SLFN14: variants seen among roughly 807,000 people sequenced by gnomAD.
SLFN14 encodes schlafen family member 14.
In SLFN14, 47 loss-of-function variants were observed where a neutral mutation model predicts 58.6. The ratio of observed to expected loss-of-function variants is 0.80; its 90% CI spans 0.64 to 1.02. The LOEUF is 1.02. SLFN14 is among the 50% of genes least tolerant of loss of function. SLFN14 has a pLI of 0.00. For missense variants in SLFN14, 967 were observed against 1,078.4 expected (o/e 0.90, Z 1.45); for synonymous variants, 390 against 387.3 (o/e 1.01, Z -0.08).
chr17:35,555,155 G>A (rs2072639124), intron 3 of SLFN14, among the ~76,000 whole-genome samples: 1 of 151,962 alleles, frequency 6.6e-6, no homozygotes, highest in Non-Finnish European at 1.5e-5. Flanking sequence ...GGCGGATCAC[G>A]AGGTCAGGAG....
At chr17:35,552,604 A>G (rs2072601709) in intron 5 of SLFN14, 126 bp downstream of exon 5, 1 of 330,276 alleles carries the variant, frequency 3.0e-6, no homozygotes, top group Non-Finnish European at 4.8e-6. Context: ...AAAAGAATAT[A>G]TATATATGTG....
Position 35,557,224 on chromosome 17 carries a change from G to A in SLFN14, c.839C>T (p.Thr280Ile), listed in dbSNP as rs548910949. ...TGGCTTCTCACAGCAGAAGTGGAAT[G>A]TAGGCAATTTTTCTATGCAGTTTTC... ...EIENCIEKLP[T>I]FHFCCEKPKV... Residue 280 changes from threonine (T) to isoleucine (I), a missense_variant, in exon 3 of 6, where the codon ACA becomes ATA. Coordinates refer to ENST00000674182, the MANE Select transcript of SLFN14 (RefSeq NM_001129820.2). 2.1e-5 allele frequency: 32 copies of A among 1,551,608 alleles called. No homozygotes were observed. The highest frequency in any genetic ancestry group is 2.6e-5 in the Non-Finnish European group (30 of 1,147,004).
chr17:35,556,902 A>C, intron 3 of SLFN14, 101 bp downstream of exon 3: 1 of 1,120,614 alleles, frequency 8.9e-7, no homozygotes, highest in East Asian at 2.6e-5. Context: ...AAGAAAAATA[A>C]ATTTCTATTT....
chr17:35,556,868 A>G, intron 3 of SLFN14, 135 bp downstream of exon 3: 1 of 816,792 alleles, frequency 1.2e-6, no homozygotes, highest in Non-Finnish European at 1.8e-6. Context: ...TAGATAAGGA[A>G]CACTGTAATG....
Position 35,548,455 on chromosome 17 carries a change from G to A in SLFN14, c.2523C>T (p.Thr841=), listed in dbSNP as rs1329323547. Residue 841 remains threonine (T), a synonymous_variant, in exon 6 of 6, where the codon ACC becomes ACT. Transcript: ENST00000674182. ...ALLKAMELIE[T]HRPSEVVFSP... Reference sequence around the variant, plus strand: ...TAAACACAACCTCTGATGGTCTGTGGGTCTCAATTAATTCCATTGCTTTGA... The same window carrying A: ...TAAACACAACCTCTGATGGTCTGTGAGTCTCAATTAATTCCATTGCTTTGA... 2.6e-6 allele frequency: 4 copies of A among 1,551,648 alleles called. No homozygotes were observed. The South Asian group carries it at 4.8e-5, about 18-fold the overall frequency.
chr17:35,557,155 T>C lies in SLFN14; in HGVS notation c.908A>G (p.Asp303Gly). The C allele has an allele frequency of 1.9e-6, 3 of 1,551,712 alleles. No homozygotes were observed. The highest frequency in any genetic ancestry group is 2.6e-6 in the Non-Finnish European group (3 of 1,146,994). ...TTKILNVYQKDVLDGYVCVIQ... is the reference protein window; with the variant it reads ...TTKILNVYQKGVLDGYVCVIQ... ...CACACAGACATAACCATCCAGGACATCTTTTTGGTACACATTCAGGATTTT... is the reference window on the plus strand; with the variant it reads ...CACACAGACATAACCATCCAGGACACCTTTTTGGTACACATTCAGGATTTT... The change falls in exon 3 of 6, where the codon GAT becomes GGT. Residue 303 changes from aspartate to glycine, a missense_variant. Transcript: ENST00000674182.
rs996095711 is a variant in SLFN14, at chr17:35,558,018, T to G, written c.45A>C (p.Val15=). The change falls in exon 3 of 6, where the codon GTA becomes GTC. Residue 15 remains valine (V), a synonymous_variant. Coordinates refer to ENST00000674182, the MANE Select transcript of SLFN14 (RefSeq NM_001129820.2). ...AAATCACTCTGCCCACATCTACTATTACCTCAGGATACGGCATTTCAGTAT... is the reference window on the plus strand; with the variant it reads ...AAATCACTCTGCCCACATCTACTATGACCTCAGGATACGGCATTTCAGTAT... ...KTDTEMPYPE[V]IVDVGRVIFG... 1.6e-5 allele frequency: 25 copies of G among 1,551,452 alleles called. No individual in the cohort carries two copies. The highest frequency in any genetic ancestry group is 1.9e-5 in the Non-Finnish European group (22 of 1,146,998).
At chr17:35,551,412 AT>A (rs1272569864) in intron 5 of SLFN14, among the ~76,000 whole-genome samples, 2 of 152,030 alleles carry the variant, frequency 1.3e-5, no homozygotes, top group Admixed American at 1.3e-4. Context: ...CAGAATCTAT[AT>A]GCTTCCTCTC....
rs1234971895 is a variant in SLFN14 at position 35,557,913 on chromosome 17, A to G, written c.150T>C (p.Cys50=). The change falls in exon 3 of 6, where the codon TGT becomes TGC. Residue 50 remains cysteine (C), a synonymous_variant. Coordinates refer to ENST00000674182, the MANE Select transcript of SLFN14 (RefSeq NM_001129820.2). ...SENSRIIRAI[C]ALLNSGGGVI... ...CACCACCTCCAGAATTTAACAGTGC[A>G]CATATAGCCCGGATAATTCTAGAAT... The G allele has an allele frequency of 1.3e-6, 2 of 1,551,722 alleles. No individual in the cohort carries two copies. The highest frequency in any genetic ancestry group is 2.0e-5 in the Admixed American group (1 of 51,002).
At position 35,545,278 on chromosome 17, in the gene SLFN14, A is replaced by G. The variant is rs1028257262; in HGVS notation, c.*2961T>C. Among the ~76,000 whole-genome samples, 1 of 152,228 alleles carries G rather than the reference A, an allele frequency of 6.6e-6. No individual in the cohort carries two copies. The highest frequency in any genetic ancestry group is 2.4e-5 in the African/African-American group (1 of 41,464). The stretch of plus-strand genomic sequence containing the variant: ...AGATTCTAGTTTTCTAAAAGCTACA[A>G]GTACAATTCAGCAAATATTTACTGA... On this transcript the variant is annotated 3_prime_UTR_variant, in exon 6 of 6. Coordinates refer to ENST00000674182, the MANE Select transcript of SLFN14 (RefSeq NM_001129820.2).
rs1027493017 is a variant in SLFN14 at position 35,545,707 on chromosome 17, G to T, written c.*2532C>A. 1.3e-5 allele frequency among the ~76,000 whole-genome samples: 2 copies of T among 151,984 alleles called. No homozygotes were observed. Among genetic ancestry groups the T allele is most frequent in the Non-Finnish European group, 2.9e-5 (2 of 67,996 alleles). On this transcript the variant is annotated 3_prime_UTR_variant, in exon 6 of 6. Coordinates refer to ENST00000674182, the MANE Select transcript of SLFN14 (RefSeq NM_001129820.2). The stretch of plus-strand genomic sequence containing the variant: ...TGTAGAGATGGGGTCTTGTTATGTT[G>T]CCCAGGCTGGTCTCCAACTCCTGGC...
At chr17:35,550,586 CTT>C (rs1267202981) in intron 5 of SLFN14, among the ~76,000 whole-genome samples, 1 of 152,078 alleles carries the variant, frequency 6.6e-6, no homozygotes, top group Non-Finnish European at 1.5e-5. Flanking sequence ...ATGAGCATGT[CTT>C]TATTATTATA....
chr17:35,548,295 C>T lies in SLFN14; in HGVS notation c.2683G>A (p.Ala895Thr), dbSNP rs1353803406. 2.6e-6 allele frequency: 4 copies of T among 1,551,574 alleles called. No homozygotes were observed. The Admixed American group carries it at 5.9e-5, about 23-fold the overall frequency. ...TAGAGGTGTTTAATGGCTCTTGAAG[C>T]AAAGCAGAGCTTATGAAATTCCTCT... ...QSEEFHKLCF[A>T]SRAIKHLYLL... Residue 895 changes from alanine to threonine, a missense_variant, in exon 6 of 6, where the codon GCT becomes ACT. Ala to Thr is a moderately conservative substitution (Grantham distance 58). Transcript: ENST00000674182.
chr17:35,548,567 C>G lies in SLFN14; in HGVS notation c.2411G>C (p.Ser804Thr), dbSNP rs1342607107. 1 of 1,551,654 alleles carries G rather than the reference C, an allele frequency of 6.4e-7. No homozygotes were observed. Among genetic ancestry groups the G allele is most frequent in the Non-Finnish European group, 8.7e-7 (1 of 1,147,016 alleles). ...GGGCAGATAGCCACACTGGAACAGG[C>G]TGTGACATTTTCTTGCCACATAGTT... ...IANYVARKCH[S>T]LFQCGYLPKD... is the part of the protein sequence containing the mutation. The change falls in exon 6 of 6, where the codon AGC becomes ACC. Residue 804 changes from serine (S) to threonine (T), a missense_variant. By Grantham distance (58) the Ser-to-Thr change is moderately conservative. Transcript: ENST00000674182.
intron 5 of SLFN14, among the ~76,000 whole-genome samples, chr17:35,551,727 A>G (rs1250958583): frequency 6.6e-6 from 1 of 152,234 alleles, no homozygotes; most frequent in Non-Finnish European, 1.5e-5. Flanking sequence ...TAGCCGCCGA[A>G]AGAGGGGGAA....
At position 35,554,676 on chromosome 17, in the gene SLFN14, G is replaced by A. The variant is rs368922921; in HGVS notation, c.1089C>T (p.Asn363=). 664 of 1,473,524 alleles carry A rather than the reference G, an allele frequency of 4.5e-4. 1 individual carries two copies. The highest frequency in any genetic ancestry group is 4.8e-4 in the Non-Finnish European group (529 of 1,104,958). 91.3% of individuals were successfully genotyped at this position (1,473,524 alleles called of 1,614,324 possible). A position where few individuals can be genotyped will look rare whatever the true frequency, so the allele number is the denominator to read the frequency against. The change falls in exon 4 of 6, where the codon AAC becomes AAT. Residue 363 remains asparagine, a synonymous_variant. Coordinates refer to ENST00000674182, the MANE Select transcript of SLFN14 (RefSeq NM_001129820.2). The part of the protein sequence containing the change: ...SAPPSLVTDY[N]SCLISSASSA... Reference sequence around the variant, plus strand: ...ATGAAGCTGATGAAATCAGGCAAGAGTTGTAGTCTGTGACCAAACTGGGAG... The same window carrying A: ...ATGAAGCTGATGAAATCAGGCAAGAATTGTAGTCTGTGACCAAACTGGGAG...
chr17:35,553,124 C>G lies in SLFN14; in HGVS notation c.1510G>C (p.Gly504Arg). The change falls in exon 5 of 6, where the codon GGG (glycine) becomes CGG (arginine). Residue 504 changes from glycine (G) to arginine (R), a missense_variant. Gly to Arg is a moderately radical substitution (Grantham distance 125). Transcript: ENST00000674182. Reference protein sequence around the residue: ...QKLQTVGGYTGKVCIIPRLIH... With the variant: ...QKLQTVGGYTRKVCIIPRLIH... ...AGCCTTGGAATGATGCACACTTTCC[C>G]TGTGTAACCACCAACAGTTTGCAGT... 1 of 1,551,672 alleles carries G rather than the reference C, an allele frequency of 6.4e-7. No homozygotes were observed. Among genetic ancestry groups the G allele is most frequent in the Admixed American group, 2.0e-5 (1 of 51,002 alleles).
chr17:35,557,202 C>T lies in SLFN14; in HGVS notation c.861G>A (p.Lys287=), dbSNP rs750933604. 33 of 1,551,748 alleles carry T rather than the reference C, an allele frequency of 2.1e-5. No individual in the cohort carries two copies. Among genetic ancestry groups the T allele is most frequent in the Non-Finnish European group, 2.7e-5 (31 of 1,147,006 alleles). The stretch of plus-strand genomic sequence containing the variant: ...TTTTTGTAGTGAAATTTACCTTTGG[C>T]TTCTCACAGCAGAAGTGGAATGTAG... The part of the protein sequence containing the change: ...KLPTFHFCCE[K]PKVNFTTKIL... The change falls in exon 3 of 6, where the codon AAG becomes AAA. Residue 287 remains lysine (K), a synonymous_variant. Transcript: ENST00000674182.
rs2072529036 is a variant in SLFN14, at chr17:35,545,698, T to C, written c.*2541A>G. On this transcript the variant is annotated 3_prime_UTR_variant, in exon 6 of 6. Coordinates refer to ENST00000674182, the MANE Select transcript of SLFN14 (RefSeq NM_001129820.2). ...AATTTTTTTTGTAGAGATGGGGTCT[T>C]GTTATGTTGCCCAGGCTGGTCTCCA... Among the ~76,000 whole-genome samples the C allele has an allele frequency of 6.6e-6, 1 of 152,050 alleles. No homozygotes were observed. The highest frequency in any genetic ancestry group is 2.1e-4 in the South Asian group (1 of 4,824).
Sources: gnomAD v4.1 joint callset for allele counts (sites outside exome capture counted in the v4.1 genomes callset) on GRCh38, gnomAD v4.1.1 for gene constraint, MANE v1.5 for transcripts, NCBI Gene and HGNC (gene_info 2026-07-23, HGNC 2026-07-21) for gene names.